The following GAK variants were observed in gnomAD, a reference collection of about 807,000 sequenced individuals.
GAK encodes the protein cyclin-G-associated kinase.
GAK carries 79 observed loss-of-function variants against 143.9 expected under a neutral mutation model. That is an observed-to-expected ratio of 0.55 (90% confidence interval 0.46 to 0.66). The LOEUF (loss-of-function observed/expected upper bound fraction) is 0.66, where lower values mean the gene tolerates loss of function less well. Ranked by LOEUF, GAK falls within the 30% of genes least tolerant of loss-of-function variation. GAK has a pLI of 0.00. For missense variants in GAK, 1,693 were observed against 1,779.7 expected (o/e 0.95, Z 0.88); for synonymous variants, 881 against 765.5 (o/e 1.15, Z -2.49).
At chr4:870,667 A>T (rs752921824) in intron 19 of GAK, 44 bp downstream of exon 19, 1 of 1,590,620 alleles carries the variant, frequency 6.3e-7, no homozygotes, top group East Asian at 2.2e-5. Flanking sequence ...CCACAGAGAC[A>T]CTCACCAGAA....
chr4:868,039 AG>A (rs982803323), intron 20 of GAK, among the ~76,000 whole-genome samples: 46 of 152,332 alleles, frequency 3.0e-4, no homozygotes, highest in African/African-American at 9.4e-4. Context: ...TGGGAAGGCC[AG>A]GGGTGCTGGG....
intron 24 of GAK, among the ~76,000 whole-genome samples, chr4:855,138 G>A (rs555712955): frequency 1.8e-4 from 27 of 152,250 alleles, no homozygotes; most frequent in Non-Finnish European, 3.5e-4. Flanking sequence ...CTGCTGAGGC[G>A]TTGGTAGGAA....
At chr4:892,867 G>C (rs529877487) in intron 9 of GAK, among the ~76,000 whole-genome samples, 1 of 152,314 alleles carries the variant, frequency 6.6e-6, no homozygotes, top group East Asian at 1.9e-4. Flanking sequence ...AGAGGAGCGC[G>C]TGCAGAGTGC....
intron 24 of GAK, among the ~76,000 whole-genome samples, chr4:856,725 C>T (rs1243445869): frequency 6.6e-6 from 1 of 150,716 alleles, no homozygotes; most frequent in African/African-American, 2.5e-5. Context: ...CACAGCTGCT[C>T]ACCACAGCTG....
intron 18 of GAK, among the ~76,000 whole-genome samples, chr4:873,316 T>C (rs1713111249): frequency 6.6e-6 from 1 of 152,236 alleles, no homozygotes; most frequent in South Asian, 2.1e-4. Flanking sequence ...TTAACGAGCA[T>C]ACGGTCTCTG....
chr4:905,446 C>CACGCT (rs1720888923), intron 4 of GAK, among the ~76,000 whole-genome samples: 1 of 150,376 alleles, frequency 6.6e-6, no homozygotes, highest in Non-Finnish European at 1.5e-5. Context: ...CACGCCGCGC[C>CACGCT]ACGCTAGGGG....
intron 24 of GAK, among the ~76,000 whole-genome samples, chr4:856,703 T>TGCTCACCACAGCTGCCCACAC (rs1560282190): frequency 6.8e-6 from 1 of 147,052 alleles, no homozygotes; most frequent in African/African-American, 2.5e-5. Flanking sequence ...GCTGCCCACA[T>TGCTCACCACAGCTGCCCACAC]TTGCTCACCA....
chr4:880,225 G>A (rs1314397795), intron 15 of GAK, among the ~76,000 whole-genome samples: 1 of 150,960 alleles, frequency 6.6e-6, no homozygotes, highest in African/African-American at 2.5e-5. Context: ...ACTGGACCGT[G>A]CACCCTGCAT....
Position 849,907 on chromosome 4 carries a change from A to C in GAK, c.3819T>G (p.Ala1273=), listed in dbSNP as rs8093. Residue 1273 remains alanine (A), a synonymous_variant, in exon 27 of 28, where the codon GCT becomes GCG. Coordinates refer to ENST00000314167, the MANE Select transcript of GAK (RefSeq NM_005255.4). ...VKKHYRRAVL[A]VHPDKAAGQP... is the part of the protein sequence containing the mutation. ...CTCTGCTCACCTTGTCGGGGTGCAC[A>C]GCCAGCACCGCGCGGCGATAGTGCT... is the stretch of plus-strand genomic sequence containing the variant. The C allele has an allele frequency of 6.3e-7, 1 of 1,588,356 alleles. No individual in the cohort carries two copies. The highest frequency in any genetic ancestry group is 8.6e-7 in the Non-Finnish European group (1 of 1,164,122).
At chr4:900,895 G>A (rs562744996) in intron 5 of GAK, among the ~76,000 whole-genome samples, 36 of 152,270 alleles carry the variant, frequency 2.4e-4, no homozygotes, top group African/African-American at 8.2e-4. Flanking sequence ...GCTCCACAGC[G>A]GTGGCCATGG....
intron 1 of GAK, among the ~76,000 whole-genome samples, chr4:915,918 T>C (rs921057038): frequency 6.6e-6 from 1 of 152,162 alleles, no homozygotes; most frequent in Non-Finnish European, 1.5e-5. Flanking sequence ...AGGAGTAAAA[T>C]TATTTTTATC....
At position 870,733 on chromosome 4, in the gene GAK, C is replaced by A. The variant is rs768421354; in HGVS notation, c.2226G>T (p.Gln742His). 1.9e-6 allele frequency: 3 copies of A among 1,613,828 alleles called. No homozygotes were observed. Among genetic ancestry groups the A allele is most frequent in the Non-Finnish European group, 2.5e-6 (3 of 1,179,976 alleles). ...PKILFSSREE[Q>H]QDILSKFGKP... ...TACCAAACTTAGACAGAATGTCTTG[C>A]TGCTCCTCCCGGCTGGAAAACAGGA... Residue 742 changes from glutamine to histidine, a missense_variant, in exon 19 of 28, where the codon CAG (glutamine) becomes CAT (histidine). Physicochemically the swap from Gln to His is conservative, Grantham distance 24. Coordinates refer to ENST00000314167, the MANE Select transcript of GAK (RefSeq NM_005255.4).
At chr4:901,299 C>T (rs1051472115) in intron 5 of GAK, among the ~76,000 whole-genome samples, 4 of 152,176 alleles carry the variant, frequency 2.6e-5, no homozygotes, top group Non-Finnish European at 5.9e-5. Flanking sequence ...GGATCCCCCA[C>T]CCAGGGCACA....
chr4:897,754 T>G (rs186093890), intron 6 of GAK, among the ~76,000 whole-genome samples: 1 of 152,222 alleles, frequency 6.6e-6, no homozygotes, highest in Admixed American at 6.5e-5. Flanking sequence ...ATAGAGACCA[T>G]CCTGGCCAAC....
chr4:924,823 T>A (rs1724447547), intron 1 of GAK, among the ~76,000 whole-genome samples: 2 of 104,494 alleles, frequency 1.9e-5, no homozygotes, highest in South Asian at 5.1e-4. Context: ...GTCGTGGGGG[T>A]GGAGTTCCCC....
chr4:902,971 G>T (rs1302909229), intron 5 of GAK, among the ~76,000 whole-genome samples: 1 of 152,226 alleles, frequency 6.6e-6, no homozygotes, highest in Non-Finnish European at 1.5e-5. Context: ...CAACCCGTCA[G>T]ACTATACTCC....
chr4:907,548 G>A (rs2082497493), intron 4 of GAK, among the ~76,000 whole-genome samples: 1 of 152,234 alleles, frequency 6.6e-6, no homozygotes, highest in Admixed American at 6.5e-5. Context: ...CCTGTTCAGT[G>A]CCTCATTCTC....
intron 15 of GAK, 122 bp from the exon 16 acceptor site, chr4:877,931 G>A (rs1714307145): frequency 1.4e-6 from 1 of 728,986 alleles, no homozygotes; most frequent in African/African-American, 1.8e-5. Flanking sequence ...TGTTTTAGTT[G>A]CTCCTAACAA....
At chr4:892,943 G>C (rs1441181158) in intron 9 of GAK, among the ~76,000 whole-genome samples, 4 of 152,154 alleles carry the variant, frequency 2.6e-5, no homozygotes, top group Non-Finnish European at 5.9e-5. Context: ...TGGTGACCCT[G>C]CTCCTGCAGG....
Sources: gnomAD v4.1 joint callset for allele counts (sites outside exome capture counted in the v4.1 genomes callset) on GRCh38, gnomAD v4.1.1 for gene constraint, MANE v1.5 for transcripts, NCBI Gene and HGNC (gene_info 2026-07-23, HGNC 2026-07-21) for gene names.